The following PSAPL1 variants were observed in gnomAD, a reference collection of about 807,000 sequenced individuals.
The protein encoded by PSAPL1 is proactivator polypeptide-like 1.
For missense variants in PSAPL1, 814 were observed against 688.8 expected, an observed-to-expected ratio of 1.18 and a Z score of -2.03; for synonymous variants, 351 against 291.6, an observed-to-expected ratio of 1.20 and a Z score of -2.08.
Position 7,433,795 on chromosome 4 carries a change from A to C in PSAPL1, c.1085T>G (p.Phe362Cys). The C allele has an allele frequency of 6.2e-7, 1 of 1,613,626 alleles. No homozygotes were observed. The highest frequency in any genetic ancestry group is 8.5e-7 in the Non-Finnish European group (1 of 1,179,814). The change falls in exon 1 of 1, where the codon TTC (phenylalanine) becomes TGC (cysteine). Residue 362 changes from phenylalanine to cysteine, a missense_variant. By Grantham distance (205) the Phe-to-Cys change is radical (BLOSUM62 -2). Coordinates refer to ENST00000319098, the MANE Select transcript of PSAPL1 (RefSeq NM_001085382.2). ...AKITPEKVCK[F>C]IRLCGNRRRA... is the part of the protein sequence containing the mutation. ...CCTCCGGTTGCCACACAGACGGATG[A>C]ACTTGCACACCTTCTCTGGGGTGAT... is the stretch of plus-strand genomic sequence containing the variant.
Position 7,433,368 on chromosome 4 carries a change from G to A in PSAPL1, c.1512C>T (p.His504=), listed in dbSNP as rs1727020148. ...TCTCTTTCCATACATGCTTCTGGCA[G>A]TGTTGCACAGCGTTGCACAGCTTGG... ...EAAKLCNAVQ[H]CQKHVWKEMH... is the part of the protein sequence containing the mutation. Residue 504 remains histidine (H), a synonymous_variant, in exon 1 of 1, where the codon CAC becomes CAT. Coordinates refer to ENST00000319098, the MANE Select transcript of PSAPL1 (RefSeq NM_001085382.2). The A allele has an allele frequency of 6.8e-7, 1 of 1,463,152 alleles. No individual in the cohort carries two copies. The allele number at this position is 1,463,152 out of a possible 1,614,324, so 90.6% of individuals were successfully genotyped here. A position where few individuals can be genotyped will look rare whatever the true frequency, so the allele number is the denominator to read the frequency against.
rs1432554651 is a variant in PSAPL1 at position 7,433,200 on chromosome 4, C to G, written c.*114G>C. The G allele has an allele frequency of 8.7e-7, 1 of 1,146,692 alleles. No homozygotes were observed. The highest frequency in any genetic ancestry group is 2.9e-5 in the East Asian group (1 of 34,128). 71.0% of individuals were successfully genotyped at this position (1,146,692 alleles called of 1,614,324 possible). A position where few individuals can be genotyped will look rare whatever the true frequency, so the allele number is the denominator to read the frequency against. ...TACTTGGTTTTGAACTTCAGCTCTG[C>G]TCCTTCCCAGCCTCCCTCCTCAGAG... is the stretch of plus-strand genomic sequence containing the variant. On this transcript the variant is annotated 3_prime_UTR_variant, in exon 1 of 1. Coordinates refer to ENST00000319098, the MANE Select transcript of PSAPL1 (RefSeq NM_001085382.2).
In PSAPL1 at chr4:7,434,354, G is replaced by A. The variant is rs371714450; in HGVS notation, c.526C>T (p.Arg176Cys). 1.8e-4 allele frequency: 283 copies of A among 1,607,942 alleles called. No individual in the cohort carries two copies. The highest frequency in any genetic ancestry group is 1.6e-4 in the Non-Finnish European group (192 of 1,177,654). ...MANGPLTFHP[R>C]QAPEGALCQD... The stretch of plus-strand genomic sequence containing the variant: ...CACAGAGCTCCTTCAGGCGCCTGGC[G>A]GGGGTGGAAGGTAAGGGGCCCATTG... Residue 176 changes from arginine to cysteine, a missense_variant, in exon 1 of 1, where the codon CGC becomes TGC. By Grantham distance (180) the Arg-to-Cys change is radical. Transcript: ENST00000319098.
Position 7,433,934 on chromosome 4 carries a change from T to C in PSAPL1, c.946A>G (p.Met316Val), listed in dbSNP as rs1032686813. 3.7e-6 allele frequency: 6 copies of C among 1,613,568 alleles called. No individual in the cohort carries two copies. Among genetic ancestry groups the C allele is most frequent in the Non-Finnish European group, 5.1e-6 (6 of 1,179,730 alleles). The change falls in exon 1 of 1, where the codon ATG becomes GTG. Residue 316 changes from methionine to valine, a missense_variant. Met to Val is a conservative substitution (Grantham distance 21). Coordinates refer to ENST00000319098, the MANE Select transcript of PSAPL1 (RefSeq NM_001085382.2). ...ACGCGCTCCAGGGCATGGGTGATCATGAGCTCAGAGCTGTTGGACATGAGC... is the reference window on the plus strand; with the variant it reads ...ACGCGCTCCAGGGCATGGGTGATCACGAGCTCAGAGCTGTTGGACATGAGC... Reference protein sequence around the residue: ...HWLMSNSSELMITHALERVCS... With the variant: ...HWLMSNSSELVITHALERVCS...
chr4:7,434,259 C>T lies in PSAPL1; in HGVS notation c.621G>A (p.Leu207=). The T allele has an allele frequency of 6.2e-7, 1 of 1,613,410 alleles. No homozygotes were observed. The highest frequency in any genetic ancestry group is 8.5e-7 in the Non-Finnish European group (1 of 1,179,870). The part of the protein sequence containing the change: ...AVRSNLTLAD[L]NIQEQCESLG... ...AGGACTCACACTGCTCCTGGATGTT[C>T]AAGTCGGCCAAGGTCAAGTTGGACC... The change falls in exon 1 of 1, where the codon TTG becomes TTA. Residue 207 remains leucine (L), a synonymous_variant. Coordinates refer to ENST00000319098, the MANE Select transcript of PSAPL1 (RefSeq NM_001085382.2).
At position 7,430,397 on chromosome 4, in the gene PSAPL1, AC is replaced by A. The variant is rs1726756190; in HGVS notation, c.*2916del. The A allele has an allele frequency of 2.0e-5, 3 of 152,276 alleles. No individual in the cohort carries two copies. The East Asian group carries it at 5.8e-4, about 29-fold the overall frequency. The allele number at this position is 152,276 out of a possible 1,614,324, so 9.4% of individuals were successfully genotyped here. A position where few individuals can be genotyped will look rare whatever the true frequency, so the allele number is the denominator to read the frequency against. On this transcript the variant is annotated 3_prime_UTR_variant, in exon 1 of 1. Coordinates refer to ENST00000319098, the MANE Select transcript of PSAPL1 (RefSeq NM_001085382.2). ...AAACAAACAAACAAACAAAACAAAA[AC>A]AACAACAACAAAGCAGCTGGACCAC...
Position 7,434,814 on chromosome 4 carries a change from G to T in PSAPL1, c.66C>A (p.Gly22=), listed in dbSNP as rs1403329517. Residue 22 remains glycine, a synonymous_variant, in exon 1 of 1, where the codon GGC becomes GGA. Transcript: ENST00000319098. ...LGATRASPTS[G]PQECAKGSTV... ...TGGAGCCCTTTGCACACTCCTGGGG[G>T]CCTGAGGTGGGGCTGGCCCTGGTGG... 3.1e-6 allele frequency: 5 copies of T among 1,605,426 alleles called. No individual in the cohort carries two copies. The highest frequency in any genetic ancestry group is 4.2e-6 in the Non-Finnish European group (5 of 1,176,470).
At chr4:7,434,810 G>A in the PSAPL1 span, 1 of 1,606,432 alleles carries the variant, frequency 6.2e-7, no homozygotes, top group Non-Finnish European at 8.5e-7. Flanking sequence ...GCACACTCCT[G>A]GGGGCCTGAG....
rs1317490423 is a variant in PSAPL1 at position 7,433,224 on chromosome 4, A to T, written c.*90T>A. 3 of 1,278,620 alleles carry T rather than the reference A, an allele frequency of 2.3e-6. No individual in the cohort carries two copies. In the Admixed American group the frequency reaches 1.1e-4, roughly 47 times the overall value. The allele number at this position is 1,278,620 out of a possible 1,614,324, so 79.2% of individuals were successfully genotyped here. A position where few individuals can be genotyped will look rare whatever the true frequency, so the allele number is the denominator to read the frequency against. On this transcript the variant is annotated 3_prime_UTR_variant, in exon 1 of 1. Transcript: ENST00000319098. ...GCTCCTTCCCAGCCTCCCTCCTCAG[A>T]GCTTCAGTTTTTCATTTGTGAAATG...
rs771612044 is a variant in PSAPL1 at position 7,433,513 on chromosome 4, A to G, written c.1367T>C (p.Met456Thr). 1.1e-5 allele frequency: 18 copies of G among 1,606,728 alleles called. No individual in the cohort carries two copies. The highest frequency in any genetic ancestry group is 1.5e-5 in the Non-Finnish European group (18 of 1,177,128). The change falls in exon 1 of 1, where the codon ATG becomes ACG. Residue 456 changes from methionine (M) to threonine (T), a missense_variant. By Grantham distance (81) the Met-to-Thr change is moderately conservative. Transcript: ENST00000319098. Reference sequence around the variant, plus strand: ...CTTGCACACAGCCACGGGGTCCATCATGTCCTTGAGACTCTCAATGAGCAC... The same window carrying G: ...CTTGCACACAGCCACGGGGTCCATCGTGTCCTTGAGACTCTCAATGAGCAC... ...EPVLIESLKD[M>T]MDPVAVCKKV...
At position 7,432,681 on chromosome 4, in the gene PSAPL1, G is replaced by A. The variant is rs1726958206; in HGVS notation, c.*633C>T. ...GAGAGAGGGACCCTGTAGTGGCTGA[G>A]ACATGGGGGGGGACTGCTCCGAAGC... On this transcript the variant is annotated 3_prime_UTR_variant, in exon 1 of 1. Transcript: ENST00000319098. 6.6e-6 allele frequency: 1 copy of A among 151,002 alleles called. No homozygotes were observed. Among genetic ancestry groups the A allele is most frequent in the Admixed American group, 6.6e-5 (1 of 15,250 alleles). The allele number at this position is 151,002 out of a possible 1,614,324, so 9.4% of individuals were successfully genotyped here. A position where few individuals can be genotyped will look rare whatever the true frequency, so the allele number is the denominator to read the frequency against.
Position 7,434,596 on chromosome 4 carries a change from C to T in PSAPL1, c.284G>A (p.Cys95Tyr). The T allele has an allele frequency of 6.2e-7, 1 of 1,613,472 alleles. No individual in the cohort carries two copies. Among genetic ancestry groups the T allele is most frequent in the East Asian group, 2.2e-5 (1 of 44,878 alleles). The change falls in exon 1 of 1, where the codon TGT becomes TAT. Residue 95 changes from cysteine to tyrosine, a missense_variant. Coordinates refer to ENST00000319098, the MANE Select transcript of PSAPL1 (RefSeq NM_001085382.2). ...SDILALVMKT[C>Y]EWLPSQESSA... ...AGACTCCTGGCTGGGGAGCCACTCACAGGTCTTCATCACCAAAGCCAGGAT... is the reference window on the plus strand; with the variant it reads ...AGACTCCTGGCTGGGGAGCCACTCATAGGTCTTCATCACCAAAGCCAGGAT...
chr4:7,434,197 A>C lies in PSAPL1; in HGVS notation c.683T>G (p.Leu228Arg), dbSNP rs1429064504. Residue 228 changes from leucine (L) to arginine (R), a missense_variant, in exon 1 of 1, where the codon CTC (leucine) becomes CGC (arginine). Physicochemically the swap from Leu to Arg is moderately radical, Grantham distance 102 (BLOSUM62 -2). Transcript: ENST00000319098. ...PGLAVLCKNYLFQFFVPADQA... is the reference protein window; with the variant it reads ...PGLAVLCKNYRFQFFVPADQA... ...GTCAGCAGGGACAAAAAACTGGAAG[A>C]GGTAGTTCTTGCAGAGGACGGCCAG... is the stretch of plus-strand genomic sequence containing the variant. The C allele has an allele frequency of 3.7e-6, 6 of 1,613,850 alleles. No homozygotes were observed.
rs1327996350 is a variant in PSAPL1, at chr4:7,433,807, T to A, written c.1073A>T (p.Lys358Met). Residue 358 changes from lysine to methionine, a missense_variant, in exon 1 of 1, where the codon AAG becomes ATG. Coordinates refer to ENST00000319098, the MANE Select transcript of PSAPL1 (RefSeq NM_001085382.2). ...ACACAGACGGATGAACTTGCACACC[T>A]TCTCTGGGGTGATTTTGGCCACAAG... ...VQLVAKITPE[K>M]VCKFIRLCGN... 1.2e-6 allele frequency: 2 copies of A among 1,613,552 alleles called. No individual in the cohort carries two copies. Among genetic ancestry groups the A allele is most frequent in the African/African-American group, 2.7e-5 (2 of 74,916 alleles).
rs141214721 is a variant in PSAPL1, at chr4:7,434,375, C to T, written c.505G>A (p.Gly169Arg). 6.2e-7 allele frequency: 1 copy of T among 1,607,622 alleles called. No homozygotes were observed. Among genetic ancestry groups the T allele is most frequent in the African/African-American group, 1.3e-5 (1 of 74,964 alleles). Residue 169 changes from glycine to arginine, a missense_variant, in exon 1 of 1, where the codon GGG becomes AGG. Physicochemically the swap from Gly to Arg is moderately radical, Grantham distance 125. Transcript: ENST00000319098. ...FEAVAPFMANGPLTFHPRQAP... is the reference protein window; with the variant it reads ...FEAVAPFMANRPLTFHPRQAP... The stretch of plus-strand genomic sequence containing the variant: ...TGGCGGGGGTGGAAGGTAAGGGGCC[C>T]ATTGGCCATGAACGGAGCCACAGCC...
In PSAPL1 at chr4:7,433,394, C is replaced by T. The variant is rs561400494; in HGVS notation, c.1486G>A (p.Ala496Thr). Residue 496 changes from alanine to threonine, a missense_variant, in exon 1 of 1, where the codon GCC (alanine) becomes ACC (threonine). Coordinates refer to ENST00000319098, the MANE Select transcript of PSAPL1 (RefSeq NM_001085382.2). ...TGTTGCACAGCGTTGCACAGCTTGG[C>T]GGCCTCCTGGCTCCTGCACCAGAAG... ...PSFWCRSQEA[A>T]KLCNAVQHCQ... is the part of the protein sequence containing the mutation. 13 of 1,498,506 alleles carry T rather than the reference C, an allele frequency of 8.7e-6. No homozygotes were observed. The highest frequency in any genetic ancestry group is 2.3e-5 in the East Asian group (1 of 42,932). 92.8% of individuals were successfully genotyped at this position (1,498,506 alleles called of 1,614,324 possible).
chr4:7,431,707 G>C lies in PSAPL1; in HGVS notation c.*1607C>G, dbSNP rs1293910517. The C allele has an allele frequency of 5.9e-5, 9 of 152,234 alleles. No homozygotes were observed. Among genetic ancestry groups the C allele is most frequent in the South Asian group, 2.1e-4 (1 of 4,832 alleles). 9.4% of individuals were successfully genotyped at this position (152,234 alleles called of 1,614,324 possible). A position where few individuals can be genotyped will look rare whatever the true frequency, so the allele number is the denominator to read the frequency against. On this transcript the variant is annotated 3_prime_UTR_variant, in exon 1 of 1. Transcript: ENST00000319098. ...ACCCCTTGCTGGCCTTATCTTTTGT[G>C]GGACTGCCCAGCGGGCCCAGGCCTG...
In PSAPL1 at chr4:7,433,136, C is replaced by T. The variant is rs1428930590; in HGVS notation, c.*178G>A. ...AGATGCTTTCAAGGGCAAAGCTGTG[C>T]GGCACCGTTGTTAAGAGAGAGGCTT... On this transcript the variant is annotated 3_prime_UTR_variant, in exon 1 of 1. Transcript: ENST00000319098. The T allele has an allele frequency of 1.9e-5, 11 of 567,460 alleles. No individual in the cohort carries two copies. The highest frequency in any genetic ancestry group is 7.1e-5 in the South Asian group (1 of 14,128). 35.2% of individuals were successfully genotyped at this position (567,460 alleles called of 1,614,324 possible). A position where few individuals can be genotyped will look rare whatever the true frequency, so the allele number is the denominator to read the frequency against.
Position 7,434,111 on chromosome 4 carries a change from G to C in PSAPL1, c.769C>G (p.Leu257Val), listed in dbSNP as rs376306805. The change falls in exon 1 of 1, where the codon CTA (leucine) becomes GTA (valine). Residue 257 changes from leucine to valine, a missense_variant. By Grantham distance (32) the Leu-to-Val change is conservative. Coordinates refer to ENST00000319098, the MANE Select transcript of PSAPL1 (RefSeq NM_001085382.2). ...TGAGTCAAACGGGCAGGTGCCCCTA[G>C]CTCCTCACAGAATCCCCCCTTCCTG... ...LCRKGGFCEE[L>V]GAPARLTQVV... 91 of 1,612,576 alleles carry C rather than the reference G, an allele frequency of 5.6e-5. No individual in the cohort carries two copies. The highest frequency in any genetic ancestry group is 7.5e-5 in the Non-Finnish European group (88 of 1,179,008).
Sources: gnomAD v4.1 joint callset for allele counts on GRCh38, gnomAD v4.1.1 for gene constraint, MANE v1.5 for transcripts, NCBI Gene and HGNC (gene_info 2026-07-23, HGNC 2026-07-21) for gene names.